Variants in FRY observed in about 807,000 individuals in gnomAD.
The protein encoded by FRY is FRY microtubule binding protein, also known as protein furry homolog.
FRY carries 128 observed loss-of-function variants against 348.4 expected under a neutral mutation model. The ratio of observed to expected loss-of-function variants is 0.37; its 90% confidence interval spans 0.32 to 0.43. The LOEUF is 0.43. Among genes scored for constraint, FRY ranks in the 20% least tolerant of loss-of-function variants. The pLI is 1.00. For missense variants in FRY, 2,736 were observed against 3,695.2 expected (o/e 0.74, Z 6.73); for synonymous variants, 1,370 against 1,374.7 (o/e 1.00, Z 0.08).
intron 35 of FRY, among the ~76,000 whole-genome samples, chr13:32,214,858 T>C (rs1380208091): frequency 6.6e-6 from 1 of 152,176 alleles, no homozygotes; most frequent in Non-Finnish European, 1.5e-5. Context: ...ACCATATCCA[T>C]TGTGAGGGAA....
chr13:32,052,678 G>A (rs192694866), intron 1 of FRY, among the ~76,000 whole-genome samples: 2 of 152,188 alleles, frequency 1.3e-5, no homozygotes, highest in Admixed American at 1.3e-4. Context: ...CACTTGATCT[G>A]TATTTGTATT....
chr13:32,075,183 T>C (rs1427500082), intron 1 of FRY, among the ~76,000 whole-genome samples: 1 of 152,260 alleles, frequency 6.6e-6, no homozygotes, highest in Non-Finnish European at 1.5e-5. Flanking sequence ...TTCCCTTTTA[T>C]ACACCAAAAG....
In FRY at chr13:32,257,430, G is replaced by A. The variant is rs185363916; in HGVS notation, c.7416+3036G>A. ...TTTCATTGGTCTCAGAATTTACTGA[G>A]TGATATCTGCAAGAGTTTGCCCTTG... On this transcript the variant is annotated intron_variant, in intron 51 of 60. Transcript: ENST00000542859. Among the ~76,000 whole-genome samples, 476 of 152,300 alleles carry A rather than the reference G, an allele frequency of 3.1e-3. 1 individual carries two copies. Among genetic ancestry groups the A allele is most frequent in the Admixed American group, 6.5e-3 (99 of 15,294 alleles).
intron 2 of FRY, among the ~76,000 whole-genome samples, chr13:32,092,256 G>A (rs1432457149): frequency 1.3e-5 from 2 of 152,220 alleles, no homozygotes; most frequent in Non-Finnish European, 2.9e-5. Context: ...AAAGTTAGAA[G>A]TAGAAAGTTA....
intron 1 of FRY, among the ~76,000 whole-genome samples, chr13:32,069,536 C>G (rs1400379353): frequency 6.6e-6 from 1 of 152,048 alleles, no homozygotes; most frequent in Non-Finnish European, 1.5e-5. Context: ...TGGTGTGATA[C>G]CACTATACCA....
At chr13:32,208,685 T>G (rs923913398) in intron 31 of FRY, among the ~76,000 whole-genome samples, 168 bp from the exon 32 acceptor site, 1 of 152,220 alleles carries the variant, frequency 6.6e-6, no homozygotes, top group African/African-American at 2.4e-5. Context: ...AGCAACAAGC[T>G]TGCAGACAAG....
At chr13:32,248,916 T>A (rs1027452197) in intron 48 of FRY, among the ~76,000 whole-genome samples, 3 of 152,120 alleles carry the variant, frequency 2.0e-5, no homozygotes, top group Non-Finnish European at 4.4e-5. Flanking sequence ...AAATTGACAG[T>A]TTCTGCCACT....
intron 11 of FRY, among the ~76,000 whole-genome samples, chr13:32,144,187 T>A (rs1256537579): frequency 1.3e-5 from 2 of 151,072 alleles, no homozygotes; most frequent in Non-Finnish European, 2.9e-5. Flanking sequence ...ATTTTACCTG[T>A]TATATTAACA....
intron 1 of FRY, among the ~76,000 whole-genome samples, chr13:32,063,991 T>G (rs975022498): frequency 2.6e-5 from 4 of 152,190 alleles, no homozygotes; most frequent in Non-Finnish European, 5.9e-5. Context: ...TACTTGATAT[T>G]AAGCCTAGTA....
intron 1 of FRY, among the ~76,000 whole-genome samples, chr13:32,047,581 T>TTGGG (rs1555246715): frequency 2.8e-5 from 4 of 142,362 alleles, no homozygotes; most frequent in Admixed American, 7.2e-5. Context: ...TCTTTTTTTT[T>TTGGG]GGGGGGGGTG....
chr13:32,278,085 T>G (rs1888625860), intron 57 of FRY, among the ~76,000 whole-genome samples: 1 of 152,212 alleles, frequency 6.6e-6, no homozygotes, highest in South Asian at 2.1e-4. Context: ...AGTCAGGTCA[T>G]GTTGACCAGA....
chr13:32,280,071 G>A (rs1226212458), intron 58 of FRY, among the ~76,000 whole-genome samples: 1 of 152,086 alleles, frequency 6.6e-6, no homozygotes, highest in Admixed American at 6.6e-5. Context: ...CACCCCTTAA[G>A]TCATTTGCTC....
At chr13:32,133,272 G>A (rs1165708533) in intron 8 of FRY, among the ~76,000 whole-genome samples, 1 of 152,090 alleles carries the variant, frequency 6.6e-6, no homozygotes, top group Non-Finnish European at 1.5e-5. Context: ...TTCAAGCTCT[G>A]GCATTTACCA....
At chr13:32,097,592 A>ATTTCTATCACATTACGTAAATTTTT (rs1566069080) in intron 2 of FRY, among the ~76,000 whole-genome samples, 2 of 151,828 alleles carry the variant, frequency 1.3e-5, no homozygotes, top group African/African-American at 4.8e-5. Flanking sequence ...AATTCCCAAC[A>ATTTCTATCACATTACGTAAATTTTT]TCAGGTGATC....
intron 3 of FRY, among the ~76,000 whole-genome samples, chr13:32,114,675 T>A (rs2138682898): frequency 6.6e-6 from 1 of 152,336 alleles, no homozygotes; most frequent in South Asian, 2.1e-4. Flanking sequence ...AAGATAGTCA[T>A]CCTATAGTCA....
chr13:32,124,697 A>G lies in FRY; in HGVS notation c.635+16A>G, dbSNP rs2138725935. The G allele has an allele frequency of 1.3e-6, 2 of 1,544,170 alleles. No homozygotes were observed. The highest frequency in any genetic ancestry group is 1.8e-6 in the Non-Finnish European group (2 of 1,116,264). ...ACAAAGAAGGGTAAGATGATTTCTC[A>G]CCTTAGAATGTTGAAGTTGGTGTTT... On this transcript the variant is annotated intron_variant, in intron 6 of 60. Transcript: ENST00000542859.
intron 2 of FRY, 58 bp from the exon 3 acceptor site, chr13:32,101,903 CTT>C: frequency 1.0e-6 from 1 of 977,982 alleles, no homozygotes; most frequent in South Asian, 1.3e-5. Context: ...AATGGCATTT[CTT>C]TTATACTATT....
chr13:32,262,815 A>G (rs746231470), intron 53 of FRY, among the ~76,000 whole-genome samples: 26 of 152,228 alleles, frequency 1.7e-4, no homozygotes, highest in Non-Finnish European at 3.5e-4. Context: ...TTTGTCATGA[A>G]TTTTATAAAA....
chr13:32,275,375 G>A lies in FRY; in HGVS notation c.8286+384G>A, dbSNP rs372710142. 3.2e-3 allele frequency among the ~76,000 whole-genome samples: 489 copies of A among 152,136 alleles called. 2 individuals are homozygous for A. The highest frequency in any genetic ancestry group is 0.011 in the African/African-American group (464 of 41,512). On this transcript the variant is annotated intron_variant, in intron 56 of 60. Coordinates refer to ENST00000542859, the MANE Select transcript of FRY (RefSeq NM_023037.3). The stretch of plus-strand genomic sequence containing the variant: ...TGCACTCCAGCCTGGGCGACAGAGC[G>A]AGACTCTGTCTCAAAAAATAAAAAA...
Sources: allele counts gnomAD v4.1 joint callset (sites outside exome capture counted in the v4.1 genomes callset), GRCh38; gene constraint gnomAD v4.1.1; transcripts MANE v1.5; gene names NCBI Gene and HGNC (gene_info 2026-07-23, HGNC 2026-07-21).